Variants in SPHKAP observed in about 807,000 individuals in gnomAD.
The protein encoded by SPHKAP is SPHK1 interactor, AKAP domain containing, also known as A-kinase anchor protein SPHKAP.
Under a neutral mutation model 137.5 loss-of-function variants are expected in SPHKAP, and 67 were observed. The observed-to-expected ratio is 0.49, with a 90% CI of 0.40 to 0.60. The LOEUF is 0.60. Among genes scored for constraint, SPHKAP ranks in the 20% least tolerant of loss-of-function variants. The pLI is 0.00. For synonymous variants in SPHKAP, 813 were observed against 785.3 expected, an observed-to-expected ratio of 1.04 and a Z score of -0.59; for missense variants, 2,097 against 2,069.3, an observed-to-expected ratio of 1.01 and a Z score of -0.26.
intron 3 of SPHKAP, among the ~76,000 whole-genome samples, chr2:228,061,572 T>C (rs1309350604): frequency 6.6e-6 from 1 of 152,080 alleles, no homozygotes; most frequent in African/African-American, 2.4e-5. Flanking sequence ...GCGCCCGACC[T>C]AATTATTATT....
chr2:228,086,282 T>G (rs1294164511), intron 3 of SPHKAP, among the ~76,000 whole-genome samples: 1 of 152,154 alleles, frequency 6.6e-6, no homozygotes, highest in Non-Finnish European at 1.5e-5. Context: ...CTAGAAGAGA[T>G]AGTCTGTGAA....
intron 3 of SPHKAP, among the ~76,000 whole-genome samples, chr2:228,066,959 A>T (rs141508582): frequency 3.9e-5 from 6 of 152,326 alleles, no homozygotes; most frequent in African/African-American, 1.2e-4. Flanking sequence ...TTATTCATGC[A>T]TCCTGTTTCA....
At chr2:228,155,604 C>T (rs544355853) in intron 1 of SPHKAP, among the ~76,000 whole-genome samples, 16 of 152,222 alleles carry the variant, frequency 1.1e-4, no homozygotes, top group African/African-American at 3.6e-4. Context: ...GGAGTTTCCT[C>T]ATTATTAGGA....
intron 3 of SPHKAP, among the ~76,000 whole-genome samples, chr2:228,086,258 C>T (rs1447380849): frequency 6.6e-6 from 1 of 152,150 alleles, no homozygotes; most frequent in Non-Finnish European, 1.5e-5. Context: ...TCAAGAAAAT[C>T]TACTAAAACT....
chr2:228,017,981 C>T lies in SPHKAP; in HGVS notation c.2873G>A (p.Trp958Ter), dbSNP rs1559349290. 6.2e-7 allele frequency: 1 copy of T among 1,613,946 alleles called. No individual in the cohort carries two copies. Among genetic ancestry groups the T allele is most frequent in the African/African-American group, 1.3e-5 (1 of 74,892 alleles). Residue 958 changes from tryptophan to a stop codon, truncating the protein, a stop_gained, in exon 7 of 12, where the codon TGG (tryptophan) becomes TAG (stop). Coordinates refer to ENST00000392056, the MANE Select transcript of SPHKAP (RefSeq NM_001142644.2). LOFTEE classifies it high-confidence loss of function. ...CLDNSSGKQP[W>*]FCAWKRGSEF... is the part of the protein sequence containing the mutation. ...ACTCCCTCTTTTCCATGCACAAAAC[C>T]AGGGTTGTTTTCCACTGGAGTTGTC... is the stretch of plus-strand genomic sequence containing the variant.
chr2:228,036,577 T>G (rs1441261867), intron 3 of SPHKAP, among the ~76,000 whole-genome samples: 2 of 151,876 alleles, frequency 1.3e-5, no homozygotes, highest in Non-Finnish European at 2.9e-5. Flanking sequence ...TAAAGACACA[T>G]GCACACGTAT....
At chr2:228,042,958 A>G (rs1306320272) in intron 3 of SPHKAP, among the ~76,000 whole-genome samples, 1 of 152,188 alleles carries the variant, frequency 6.6e-6, no homozygotes, top group African/African-American at 2.4e-5. Context: ...GTTATCATGT[A>G]TTATAATACC....
At position 228,019,341 on chromosome 2, in the gene SPHKAP, T is replaced by C; in HGVS notation, c.1513A>G (p.Thr505Ala). 1 of 1,614,170 alleles carries C rather than the reference T, an allele frequency of 6.2e-7. No homozygotes were observed. The highest frequency in any genetic ancestry group is 8.5e-7 in the Non-Finnish European group (1 of 1,180,024). ...ALEVALACAA[T>A]VIGTISSPQA... ...GGACTGGAAATAGTTCCAATCACAG[T>C]GGCTGCACAAGCTAACGCCACTTCT... is the stretch of plus-strand genomic sequence containing the variant. Residue 505 changes from threonine to alanine, a missense_variant, in exon 7 of 12, where the codon ACT becomes GCT. Physicochemically the swap from Thr to Ala is moderately conservative, Grantham distance 58. Coordinates refer to ENST00000392056, the MANE Select transcript of SPHKAP (RefSeq NM_001142644.2).
intron 2 of SPHKAP, among the ~76,000 whole-genome samples, chr2:228,121,089 G>C (rs990409329): frequency 1.3e-5 from 2 of 152,174 alleles, no homozygotes; most frequent in Non-Finnish European, 2.9e-5. Flanking sequence ...ATTGACTTTG[G>C]ATTATTTTGT....
At chr2:228,086,840 G>C (rs1026563551) in intron 3 of SPHKAP, among the ~76,000 whole-genome samples, 1 of 152,160 alleles carries the variant, frequency 6.6e-6, no homozygotes, top group Non-Finnish European at 1.5e-5. Context: ...AGTTAATTAA[G>C]AGCAGCAAAT....
chr2:228,168,308 A>G (rs1370563199), intron 1 of SPHKAP, among the ~76,000 whole-genome samples: 2 of 152,138 alleles, frequency 1.3e-5, no homozygotes, highest in East Asian at 1.9e-4. Flanking sequence ...ATTTTACTGC[A>G]CTTTACTATG....
intron 7 of SPHKAP, among the ~76,000 whole-genome samples, chr2:228,003,413 T>G (rs866024089): frequency 6.6e-6 from 1 of 152,242 alleles, no homozygotes; most frequent in South Asian, 2.1e-4. Context: ...ACATTGATTT[T>G]GTATCCTGAG....
intron 3 of SPHKAP, among the ~76,000 whole-genome samples, chr2:228,092,140 C>T (rs201389376): frequency 1.7e-4 from 11 of 63,936 alleles, no homozygotes; most frequent in South Asian, 5.3e-4. Flanking sequence ...TATGTGTGTA[C>T]ACATATATAC....
At chr2:228,102,828 G>A (rs960405370) in intron 3 of SPHKAP, among the ~76,000 whole-genome samples, 5 of 151,962 alleles carry the variant, frequency 3.3e-5, no homozygotes, top group African/African-American at 1.2e-4. Flanking sequence ...CTGCTGCCTC[G>A]AACTCCTGGC....
chr2:228,137,960 C>T (rs999756528), intron 1 of SPHKAP, among the ~76,000 whole-genome samples: 1 of 152,156 alleles, frequency 6.6e-6, no homozygotes, highest in Non-Finnish European at 1.5e-5. Flanking sequence ...TTAGTGTCTC[C>T]TATCTTCCTC....
intron 7 of SPHKAP, among the ~76,000 whole-genome samples, chr2:228,007,101 T>G (rs916327893): frequency 6.6e-6 from 1 of 152,226 alleles, no homozygotes; most frequent in Non-Finnish European, 1.5e-5. Context: ...GTCTTCTGCA[T>G]CGCTCACGCT....
chr2:228,173,033 GA>G (rs1291973264), intron 1 of SPHKAP: 2 of 985,278 alleles, frequency 2.0e-6, no homozygotes, highest in African/African-American at 3.5e-5. Context: ...ATGTGCCAAA[GA>G]GTGAATTTGG....
chr2:228,036,801 C>A (rs1695622853), intron 3 of SPHKAP, among the ~76,000 whole-genome samples: 1 of 151,636 alleles, frequency 6.6e-6, no homozygotes, highest in African/African-American at 2.4e-5. Flanking sequence ...CCAGACACTG[C>A]ATGTTCTCAC....
intron 3 of SPHKAP, among the ~76,000 whole-genome samples, chr2:228,051,828 A>G (rs981871698): frequency 3.3e-5 from 5 of 152,156 alleles, no homozygotes; most frequent in African/African-American, 1.2e-4. Flanking sequence ...GTCCTCATAA[A>G]TGCCTTCTTG....
Sources: gnomAD v4.1 joint callset for allele counts (sites outside exome capture counted in the v4.1 genomes callset) on GRCh38, gnomAD v4.1.1 for gene constraint, MANE v1.5 for transcripts, NCBI Gene and HGNC (gene_info 2026-07-23, HGNC 2026-07-21) for gene names.